The following TIAM1 variants were observed in gnomAD, a reference collection of about 807,000 sequenced individuals.
TIAM1 encodes TIAM Rac1 associated GEF 1, also known as rho guanine nucleotide exchange factor TIAM1.
In TIAM1, 65 loss-of-function variants were observed where a neutral mutation model predicts 163.5. The ratio of observed to expected loss-of-function variants is 0.40; its 90% CI spans 0.33 to 0.49. The LOEUF (loss-of-function observed/expected upper bound fraction) is 0.49. Among genes scored for constraint, TIAM1 ranks in the 20% least tolerant of loss-of-function variants. The pLI, the probability that TIAM1 is intolerant of heterozygous loss-of-function variation, is 0.77. For missense variants in TIAM1, 1,789 were observed against 2,044.7 expected (o/e 0.87, Z 2.41); for synonymous variants, 833 against 810.1 (o/e 1.03, Z -0.48).
chr21:31,180,044 T>A (rs2084942194), intron 15 of TIAM1, among the ~76,000 whole-genome samples: 1 of 151,932 alleles, frequency 6.6e-6, no homozygotes, highest in South Asian at 2.1e-4. Flanking sequence ...TAGCTGGGAT[T>A]ACAGGCGCCT....
chr21:31,161,592 A>G (rs190962777), intron 16 of TIAM1, among the ~76,000 whole-genome samples: 2 of 152,348 alleles, frequency 1.3e-5, no homozygotes. Flanking sequence ...CAGAACTCCA[A>G]CATGCTTTTT....
At chr21:31,478,238 T>C (rs1008650555) in intron 1 of TIAM1, among the ~76,000 whole-genome samples, 1 of 152,216 alleles carries the variant, frequency 6.6e-6, no homozygotes, top group Admixed American at 6.5e-5. Context: ...ATTGGGCAAA[T>C]GGCAAATTGC....
At chr21:31,523,233 C>T (rs2047665799) in intron 1 of TIAM1, among the ~76,000 whole-genome samples, 1 of 152,120 alleles carries the variant, frequency 6.6e-6, no homozygotes, top group African/African-American at 2.4e-5. Flanking sequence ...AAAAGGATGC[C>T]CTGAAATTTT....
chr21:31,430,247 TACACAC>T (rs1202910634), intron 2 of TIAM1, among the ~76,000 whole-genome samples: 6 of 106,936 alleles, frequency 5.6e-5, no homozygotes. Context: ...TATATATATA[TACACAC>T]ACACACACAC....
At chr21:31,372,734 G>A (rs2076617022) in intron 2 of TIAM1, among the ~76,000 whole-genome samples, 3 of 152,172 alleles carry the variant, frequency 2.0e-5, no homozygotes, top group Admixed American at 2.0e-4. Context: ...CACATTGGAA[G>A]GCCAAGGCAG....
At chr21:31,245,267 C>T (rs2071435268) in intron 6 of TIAM1, among the ~76,000 whole-genome samples, 1 of 150,602 alleles carries the variant, frequency 6.6e-6, no homozygotes, top group African/African-American at 2.4e-5. Flanking sequence ...TTAGCCTTCA[C>T]TTGGAAAACT....
At chr21:31,346,447 C>A (rs1465679647), upstream of TIAM1, among the ~76,000 whole-genome samples, 1 of 152,184 alleles carries the variant, frequency 6.6e-6, no homozygotes, top group African/African-American at 2.4e-5. Context: ...GCAGCCTTGG[C>A]ATCCATGCAC....
chr21:31,523,301 C>A (rs973309067), intron 1 of TIAM1, among the ~76,000 whole-genome samples: 21 of 152,154 alleles, frequency 1.4e-4, no homozygotes, highest in African/African-American at 5.1e-4. Context: ...AATGCTTTTG[C>A]AGAAAAAGTC....
At chr21:31,339,838 C>T (rs1408376621) in intron 1 of TIAM1, among the ~76,000 whole-genome samples, 1 of 152,132 alleles carries the variant, frequency 6.6e-6, no homozygotes, top group African/African-American at 2.4e-5. Flanking sequence ...CCAATGAAAG[C>T]CATGCTAACA....
upstream of TIAM1, among the ~76,000 whole-genome samples, chr21:31,347,665 G>A (rs138999650): frequency 8.5e-5 from 13 of 152,262 alleles, no homozygotes; most frequent in East Asian, 7.7e-4. Context: ...TCTCAAGATC[G>A]GGATGAACCT....
intron 2 of TIAM1, among the ~76,000 whole-genome samples, chr21:31,401,446 A>G (rs1295205126): frequency 6.6e-6 from 1 of 152,210 alleles, no homozygotes; most frequent in East Asian, 1.9e-4. Flanking sequence ...AGAGCCGAAT[A>G]TAAACAATGG....
chr21:31,215,493 G>A (rs1223975287), intron 9 of TIAM1, among the ~76,000 whole-genome samples: 8 of 150,132 alleles, frequency 5.3e-5, no homozygotes, highest in Admixed American at 5.3e-4. Context: ...CCCAGGAGGC[G>A]GAGATTGCAA....
At position 31,125,420 on chromosome 21, in the gene TIAM1, C is replaced by T. The variant is rs553713721; in HGVS notation, c.4134-726G>A. Among the ~76,000 whole-genome samples the T allele has an allele frequency of 3.3e-5, 5 of 152,236 alleles. No homozygotes were observed. The South Asian group carries it at 8.3e-4, about 25-fold the overall frequency. On this transcript the variant is annotated intron_variant, in intron 26 of 27. Transcript: ENST00000541036. ...GCCAAAATAGACGGTAAAGGTGGTG[C>T]TCAAACCCCACGAGGTTATACAAAC...
intron 15 of TIAM1, among the ~76,000 whole-genome samples, chr21:31,166,827 A>T (rs1315308069): frequency 6.6e-6 from 1 of 152,192 alleles, no homozygotes; most frequent in African/African-American, 2.4e-5. Flanking sequence ...TGACAAGCTC[A>T]TCTGGGAACA....
chr21:31,134,027 C>T (rs991528420), intron 23 of TIAM1, among the ~76,000 whole-genome samples: 1 of 152,064 alleles, frequency 6.6e-6, no homozygotes, highest in Admixed American at 6.5e-5. Context: ...GAGAACGCAC[C>T]ATTGCACTCC....
chr21:31,451,730 T>C (rs1392880280), intron 2 of TIAM1, among the ~76,000 whole-genome samples: 55 of 71,766 alleles, frequency 7.7e-4, no homozygotes, highest in African/African-American at 1.4e-3. Context: ...TGTGTGTGTG[T>C]GTGTGTGTGT....
intron 4 of TIAM1, among the ~76,000 whole-genome samples, chr21:31,257,004 AC>A (rs2072150698): frequency 6.6e-6 from 1 of 152,208 alleles, no homozygotes; most frequent in African/African-American, 2.4e-5. Flanking sequence ...TCTCTGAGAA[AC>A]CTGGGAAAAA....
rs1055815681 is a variant in TIAM1 at position 31,266,092 on chromosome 21, G to A, written c.881C>T (p.Ser294Phe). 2 of 1,614,226 alleles carry A rather than the reference G, an allele frequency of 1.2e-6. No homozygotes were observed. Among genetic ancestry groups the A allele is most frequent in the Non-Finnish European group, 1.7e-6 (2 of 1,180,042 alleles). ...GGTGGCACCTTCAGAGAGACAGTGA[G>A]ATTTCCTACAGGGAAGTGTGTTATA... ...SNYNTLPCRKSHCLSEGATNP... is the reference protein window; with the variant it reads ...SNYNTLPCRKFHCLSEGATNP... The change falls in exon 4 of 28, where the codon TCT becomes TTT. Residue 294 changes from serine to phenylalanine, a missense_variant. Transcript: ENST00000541036.
At chr21:31,277,942 T>C in intron 2 of TIAM1, among the ~76,000 whole-genome samples, 1 of 152,190 alleles carries the variant, frequency 6.6e-6, no homozygotes, top group East Asian at 1.9e-4. Flanking sequence ...CCAGCCTATT[T>C]ACATTTAGGG....
Sources: allele counts gnomAD v4.1 joint callset (sites outside exome capture counted in the v4.1 genomes callset), GRCh38; gene constraint gnomAD v4.1.1; transcripts MANE v1.5; gene names NCBI Gene and HGNC (gene_info 2026-07-23, HGNC 2026-07-21).